Variants in JMJD7 observed in about 807,000 individuals in gnomAD.
JMJD7 encodes the protein jumonji domain containing 7.
Under a neutral mutation model 41.1 loss-of-function variants are expected in JMJD7, and 41 were observed. The observed-to-expected ratio is 1.00, with a 90% CI of 0.78 to 1.30. The LOEUF is 1.30. Ranked by LOEUF, JMJD7 falls within the 50% of genes most tolerant of loss-of-function variation. The pLI is 0.00. For synonymous variants in JMJD7, 202 were observed against 177.2 expected (o/e 1.14, Z -1.11); for missense variants, 480 against 420.7 (o/e 1.14, Z -1.23).
chr15:41,831,604 T>C (rs1264573924), intron 1 of JMJD7, among the ~76,000 whole-genome samples: 1 of 152,156 alleles, frequency 6.6e-6, no homozygotes, highest in African/African-American at 2.4e-5. Flanking sequence ...AGTGAGCAGC[T>C]GGAACAAAGC....
In JMJD7 at chr15:41,828,207, G is replaced by A; in HGVS notation, c.64+19G>A. 2 of 1,501,064 alleles carry A rather than the reference G, an allele frequency of 1.3e-6. No individual in the cohort carries two copies. The highest frequency in any genetic ancestry group is 1.8e-6 in the Non-Finnish European group (2 of 1,137,276). The allele number at this position is 1,501,064 out of a possible 1,614,324, so 93.0% of individuals were successfully genotyped here. ...GCAAGGGGTGAGTGGCTCTCCCACA[G>A]GCTGCGGCGATTTCCGAACACGGGA... On this transcript the variant is annotated intron_variant, in intron 1 of 7. Coordinates refer to ENST00000397299, the MANE Select transcript of JMJD7 (RefSeq NM_001114632.2).
rs1465520747 is a variant in JMJD7, at chr15:41,836,804, C to T, written c.726C>T (p.Pro242=). ...MEKVPWIPLD[P]LAPDLARYPS... is the part of the protein sequence containing the mutation. Reference sequence around the variant, plus strand: ...AGGTGCCCTGGATCCCACTGGACCCCTTGGCGCCAGACCTAGCACGGTACC... The same window carrying T: ...AGGTGCCCTGGATCCCACTGGACCCTTTGGCGCCAGACCTAGCACGGTACC... Residue 242 remains proline (P), a synonymous_variant, in exon 7 of 8, where the codon CCC becomes CCT. Transcript: ENST00000397299. 2 of 1,610,966 alleles carry T rather than the reference C, an allele frequency of 1.2e-6. No homozygotes were observed. The highest frequency in any genetic ancestry group is 1.3e-5 in the African/African-American group (1 of 74,878).
intron 3 of JMJD7, 84 bp from the exon 4 acceptor site, chr15:41,835,504 C>T: frequency 1.3e-6 from 2 of 1,549,636 alleles, no homozygotes; most frequent in African/African-American, 1.4e-5. Context: ...TCTGTGCTCA[C>T]CCAGGTTTTG....
At position 41,834,854 on chromosome 15, in the gene JMJD7, A is replaced by G. The variant is rs2065285692; in HGVS notation, c.179A>G (p.His60Arg). 6.8e-6 allele frequency: 11 copies of G among 1,614,114 alleles called. No individual in the cohort carries two copies. Among genetic ancestry groups the G allele is most frequent in the Non-Finnish European group, 8.5e-6 (10 of 1,180,052 alleles). ...RPCIIRNALQ[H>R]WPALQKWSLP... Reference sequence around the variant, plus strand: ...TGCATTATCCGCAACGCTCTGCAGCACTGGCCGGCCCTCCAGAAGTGGTCC... The same window carrying G: ...TGCATTATCCGCAACGCTCTGCAGCGCTGGCCGGCCCTCCAGAAGTGGTCC... Residue 60 changes from histidine (H) to arginine (R), a missense_variant, in exon 2 of 8, where the codon CAC becomes CGC. Physicochemically the swap from His to Arg is conservative, Grantham distance 29. Transcript: ENST00000397299.
Position 41,834,825 on chromosome 15 carries a change from GC to G in JMJD7, c.152del (p.Pro51ArgfsTer31). The G allele has an allele frequency of 6.2e-7, 1 of 1,614,172 alleles. No individual in the cohort carries two copies. Among genetic ancestry groups the G allele is most frequent in the Non-Finnish European group, 8.5e-7 (1 of 1,180,044 alleles). On this transcript the variant is annotated frameshift_variant, in exon 2 of 8. Transcript: ENST00000397299. LOFTEE classifies it high-confidence loss of function. The stretch of plus-strand genomic sequence containing the variant: ...ACCGGGACTGGGTCTGCCCCAACAG[GC>G]CGTGCATTATCCGCAACGCTCTGCA... ...FYRDWVCPNR[P>X]CIIRNALQHW...
Position 41,828,131 on chromosome 15 carries a change from G to A in JMJD7, c.7G>A (p.Glu3Lys). The A allele has an allele frequency of 6.8e-7, 1 of 1,467,700 alleles. No homozygotes were observed. Among genetic ancestry groups the A allele is most frequent in the Non-Finnish European group, 9.0e-7 (1 of 1,113,554 alleles). 90.9% of individuals were successfully genotyped at this position (1,467,700 alleles called of 1,614,324 possible). A position where few individuals can be genotyped will look rare whatever the true frequency, so the allele number is the denominator to read the frequency against. The part of the protein sequence containing the change: MA[E>K]AALEAVRSEL... ...GGCCGGCGCTGACGCAGCCATGGCG[G>A]AGGCGGCTTTGGAAGCCGTGCGGAG... The change falls in exon 1 of 8, where the codon GAG (glutamate) becomes AAG (lysine). Residue 3 changes from glutamate (E) to lysine (K), a missense_variant. Physicochemically the swap from Glu to Lys is moderately conservative, Grantham distance 56. Coordinates refer to ENST00000397299, the MANE Select transcript of JMJD7 (RefSeq NM_001114632.2).
intron 1 of JMJD7, among the ~76,000 whole-genome samples, chr15:41,828,688 A>C (rs2065179891): frequency 6.6e-6 from 1 of 152,080 alleles, no homozygotes; most frequent in African/African-American, 2.4e-5. Flanking sequence ...ACTGAACAGC[A>C]ACACAGGCTC....
In JMJD7 at chr15:41,836,814, G is replaced by C. The variant is rs749547669; in HGVS notation, c.736G>C (p.Asp246His). The change falls in exon 7 of 8, where the codon GAC becomes CAC. Residue 246 changes from aspartate (D) to histidine (H), a missense_variant. Physicochemically the swap from Asp to His is moderately conservative, Grantham distance 81. Coordinates refer to ENST00000397299, the MANE Select transcript of JMJD7 (RefSeq NM_001114632.2). Reference sequence around the variant, plus strand: ...GATCCCACTGGACCCCTTGGCGCCAGACCTAGCACGGTACCCTAGTTACAG... The same window carrying C: ...GATCCCACTGGACCCCTTGGCGCCACACCTAGCACGGTACCCTAGTTACAG... ...PWIPLDPLAP[D>H]LARYPSYSQA... 3.1e-6 allele frequency: 5 copies of C among 1,611,984 alleles called. No homozygotes were observed. The highest frequency in any genetic ancestry group is 4.2e-6 in the Non-Finnish European group (5 of 1,179,450).
Position 41,836,250 on chromosome 15 carries a change from G to T in JMJD7, c.625+7G>T, listed in dbSNP as rs751232114. On this transcript the variant is annotated splice_region_variant and intron_variant, in intron 5 of 7. Transcript: ENST00000397299. ...CGGCCCTTCATCCCCTATGGTAGGG[G>T]ATGTGGCCTGCAGGGAGGGGCTGGG... is the stretch of plus-strand genomic sequence containing the variant. The T allele has an allele frequency of 6.2e-7, 1 of 1,612,384 alleles. No individual in the cohort carries two copies. The highest frequency in any genetic ancestry group is 8.5e-7 in the Non-Finnish European group (1 of 1,179,298).
At chr15:41,833,223 T>C (rs980602722) in intron 1 of JMJD7, among the ~76,000 whole-genome samples, 1 of 151,910 alleles carries the variant, frequency 6.6e-6, no homozygotes, top group Non-Finnish European at 1.5e-5. Flanking sequence ...GCCAGGATAC[T>C]GGAGACTTTT....
chr15:41,835,664 A>T lies in JMJD7; in HGVS notation c.529+20A>T. On this transcript the variant is annotated intron_variant, in intron 4 of 7. Transcript: ENST00000397299. ...CTTCTTGTAGGTGTAAGGGGAATAC[A>T]AAGGTGGGGAAGGAGCAGGTTGGGG... is the stretch of plus-strand genomic sequence containing the variant. 6.2e-7 allele frequency: 1 copy of T among 1,609,546 alleles called. No homozygotes were observed. The highest frequency in any genetic ancestry group is 8.5e-7 in the Non-Finnish European group (1 of 1,177,516).
Position 41,834,955 on chromosome 15 carries a change from T to G in JMJD7, c.219-15T>G. 6.2e-7 allele frequency: 1 copy of G among 1,613,758 alleles called. No individual in the cohort carries two copies. Among genetic ancestry groups the G allele is most frequent in the African/African-American group, 1.3e-5 (1 of 75,044 alleles). ...TACTGGCATCTGGGCATGGGCTGAG[T>G]GTCCATTCCTCTAGAGCCACAGTGG... On this transcript the variant is annotated splice_polypyrimidine_tract_variant and intron_variant, in intron 2 of 7. Transcript: ENST00000397299.
intron 7 of JMJD7, 64 bp downstream of exon 7, chr15:41,837,004 G>C: frequency 1.2e-6 from 2 of 1,608,946 alleles, no homozygotes; most frequent in South Asian, 1.1e-5. Flanking sequence ...CCTCTGGGGG[G>C]AGGCTTGGGA....
chr15:41,837,172 C>G lies in JMJD7; in HGVS notation c.*16C>G. Reference sequence around the variant, plus strand: ...CCTTGACTGATGGAGCACTGGTGAACACCACCAAGCACGCCTCGGGGGACG... The same window carrying G: ...CCTTGACTGATGGAGCACTGGTGAAGACCACCAAGCACGCCTCGGGGGACG... On this transcript the variant is annotated 3_prime_UTR_variant, in exon 8 of 8. Coordinates refer to ENST00000397299, the MANE Select transcript of JMJD7 (RefSeq NM_001114632.2). 1 of 1,573,600 alleles carries G rather than the reference C, an allele frequency of 6.4e-7. No homozygotes were observed. Among genetic ancestry groups the G allele is most frequent in the Non-Finnish European group, 8.7e-7 (1 of 1,147,306 alleles).
chr15:41,836,096 C>T (rs1249641452), intron 4 of JMJD7, 52 bp from the exon 5 acceptor site: 1 of 1,529,162 alleles, frequency 6.5e-7, no homozygotes, highest in African/African-American at 1.4e-5. Context: ...TTTGCCTCCT[C>T]CCGTGCCCCT....
chr15:41,833,408 A>ATTTTT (rs1279721703), intron 1 of JMJD7, among the ~76,000 whole-genome samples: 2 of 39,870 alleles, frequency 5.0e-5, no homozygotes, highest in African/African-American at 7.3e-5. Context: ...ATATATATAT[A>ATTTTT]TATATATTTT....
intron 1 of JMJD7, among the ~76,000 whole-genome samples, chr15:41,833,417 T>TA (rs1567164857): frequency 1.3e-5 from 1 of 79,552 alleles, no homozygotes; most frequent in South Asian, 4.2e-4. Context: ...TATATATATT[T>TA]TTTTTTTTTT....
At chr15:41,831,201 G>A (rs2065225650) in intron 1 of JMJD7, among the ~76,000 whole-genome samples, 1 of 152,200 alleles carries the variant, frequency 6.6e-6, no homozygotes, top group South Asian at 2.1e-4. Flanking sequence ...GACCAGCTGC[G>A]GGGAGGAGCT....
chr15:41,836,115 T>C (rs769156686), intron 4 of JMJD7, 33 bp from the exon 5 acceptor site: 1 of 1,562,680 alleles, frequency 6.4e-7, no homozygotes, highest in African/African-American at 1.4e-5. Context: ...CTGCCCTCCA[T>C]ACCCTGCCCC....
Sources: allele counts gnomAD v4.1 joint callset (sites outside exome capture counted in the v4.1 genomes callset), GRCh38; gene constraint gnomAD v4.1.1; transcripts MANE v1.5; gene names NCBI Gene and HGNC (gene_info 2026-07-23, HGNC 2026-07-21).